Variants in KYAT3 observed in about 807,000 individuals in gnomAD.
The protein encoded by KYAT3 is kynurenine aminotransferase 3, also known as kynurenine--oxoglutarate transaminase 3.
A neutral mutation model predicts 59.0 loss-of-function variants in KYAT3; 50 were observed. The ratio of observed to expected loss-of-function variants is 0.85; its 90% CI spans 0.68 to 1.07. The LOEUF is 1.07. Among genes scored for constraint, KYAT3 ranks in the 50% least tolerant of loss-of-function variants. KYAT3 has a pLI of 0.00. For synonymous variants in KYAT3, 148 were observed against 177.0 expected, an observed-to-expected ratio of 0.84 and a Z score of 1.30; for missense variants, 497 against 533.3, an observed-to-expected ratio of 0.93 and a Z score of 0.67.
chr1:88,951,122 T>C (rs750619007), intron 10 of KYAT3, among the ~76,000 whole-genome samples: 5 of 152,208 alleles, frequency 3.3e-5, no homozygotes, highest in Non-Finnish European at 7.4e-5. Flanking sequence ...TCAGGGAGGC[T>C]TTCAAAGATT....
At chr1:88,956,443 A>G (rs1047580846) in intron 8 of KYAT3, among the ~76,000 whole-genome samples, 1 of 152,248 alleles carries the variant, frequency 6.6e-6, no homozygotes, top group African/African-American at 2.4e-5. Flanking sequence ...CATACATCAA[A>G]TATTCATTAG....
At chr1:88,941,436 A>G (rs561835994) in intron 13 of KYAT3, among the ~76,000 whole-genome samples, 61 of 152,286 alleles carry the variant, frequency 4.0e-4, no homozygotes, top group Admixed American at 1.9e-3. Context: ...GAGAAGTTTG[A>G]TAGTGATAAA....
Position 88,987,169 on chromosome 1 carries a change from A to G in KYAT3, c.99+1083T>C, listed in dbSNP as rs1677509227. Among the ~76,000 whole-genome samples, 8 of 152,244 alleles carry G rather than the reference A, an allele frequency of 5.3e-5. No individual in the cohort carries two copies. The South Asian group carries it at 1.7e-3, about 32-fold the overall frequency. On this transcript the variant is annotated intron_variant, in intron 2 of 13. Coordinates refer to ENST00000260508, the MANE Select transcript of KYAT3 (RefSeq NM_001008661.3). ...CCAGATATGTAGAATTAGAATGCAT[A>G]ATGGTGAGCCCTGGCATACGTAGTC...
At chr1:88,950,892 A>C (rs1675639518) in intron 10 of KYAT3, among the ~76,000 whole-genome samples, 1 of 152,184 alleles carries the variant, frequency 6.6e-6, no homozygotes, top group Non-Finnish European at 1.5e-5. Flanking sequence ...TGCATGCCCC[A>C]GCTCCATTGG....
chr1:88,987,271 G>A (rs1162653687), intron 2 of KYAT3, among the ~76,000 whole-genome samples: 1 of 152,102 alleles, frequency 6.6e-6, no homozygotes, highest in Non-Finnish European at 1.5e-5. Context: ...TCACCTTGGG[G>A]AAGCACAACC....
chr1:88,961,093 G>A, intron 8 of KYAT3, 74 bp downstream of exon 8: 1 of 1,518,758 alleles, frequency 6.6e-7, no homozygotes, highest in Non-Finnish European at 9.1e-7. Flanking sequence ...AGTTGGTCTG[G>A]GATGCTTTCC....
At chr1:88,983,577 C>T (rs750709489) in intron 2 of KYAT3, 1 of 1,614,220 alleles carries the variant, frequency 6.2e-7, no homozygotes, top group Non-Finnish European at 8.5e-7. Flanking sequence ...GGTTTGGTGG[C>T]TTGTTCCACC....
At chr1:88,985,220 G>A (rs981384085) in intron 2 of KYAT3, among the ~76,000 whole-genome samples, 1 of 152,196 alleles carries the variant, frequency 6.6e-6, no homozygotes, top group African/African-American at 2.4e-5. Context: ...TTGGAAGAGT[G>A]AGTAAGTGAA....
At chr1:88,986,840 G>C (rs1490989911) in intron 2 of KYAT3, among the ~76,000 whole-genome samples, 2 of 152,028 alleles carry the variant, frequency 1.3e-5, no homozygotes, top group South Asian at 4.1e-4. Context: ...TTGTAACACT[G>C]GCCAGTGTTT....
At chr1:88,960,811 G>C (rs1676109406) in intron 8 of KYAT3, among the ~76,000 whole-genome samples, 1 of 152,162 alleles carries the variant, frequency 6.6e-6, no homozygotes, top group Admixed American at 6.5e-5. Flanking sequence ...TGGCATTTTG[G>C]TAAGTTGTTC....
chr1:88,934,802 A>G (rs1305587130), downstream of KYAT3, among the ~76,000 whole-genome samples: 1 of 152,184 alleles, frequency 6.6e-6, no homozygotes, highest in Non-Finnish European at 1.5e-5. Flanking sequence ...AACAGTAATG[A>G]TCAAACTTTC....
At chr1:88,930,539 C>T in the KYAT3 span, among the ~76,000 whole-genome samples, 9 of 151,926 alleles carry the variant, frequency 5.9e-5, no homozygotes, top group South Asian at 4.2e-4. Flanking sequence ...AAAAGGACTT[C>T]GAAAAGCAGG....
At chr1:88,976,020 C>A (rs543798286) in intron 2 of KYAT3, among the ~76,000 whole-genome samples, 1 of 136,258 alleles carries the variant, frequency 7.3e-6, no homozygotes, top group Non-Finnish European at 1.6e-5. Flanking sequence ...GGTGACAGAG[C>A]GAGACTCCAT....
chr1:88,960,136 T>C (rs1367334913), intron 8 of KYAT3, among the ~76,000 whole-genome samples: 1 of 151,424 alleles, frequency 6.6e-6, no homozygotes, highest in Non-Finnish European at 1.5e-5. Context: ...GGTTTCTCCA[T>C]GTTGCCCAGG....
chr1:88,980,654 C>T (rs1376121777), intron 2 of KYAT3: 1 of 152,480 alleles, frequency 6.6e-6, no homozygotes, highest in South Asian at 2.1e-4. Flanking sequence ...AAACAGGTGT[C>T]TGGTCATTTT....
Position 88,969,402 on chromosome 1 carries a change from T to C in KYAT3, c.158+7A>G. On this transcript the variant is annotated splice_region_variant and intron_variant, in intron 3 of 13. Transcript: ENST00000260508. ...CACTAAATTATTATTTATTTTAAGA[T>C]ACTCACCACACATTACTATCAAGTC... The C allele has an allele frequency of 6.6e-7, 1 of 1,516,410 alleles. No homozygotes were observed. Among genetic ancestry groups the C allele is most frequent in the Non-Finnish European group, 9.1e-7 (1 of 1,097,304 alleles). The allele number at this position is 1,516,410 out of a possible 1,614,324, so 93.9% of individuals were successfully genotyped here. A position where few individuals can be genotyped will look rare whatever the true frequency, so the allele number is the denominator to read the frequency against.
intron 13 of KYAT3, among the ~76,000 whole-genome samples, chr1:88,939,914 G>A (rs1029047697): frequency 4.0e-5 from 6 of 151,842 alleles, no homozygotes; most frequent in Non-Finnish European, 8.8e-5. Flanking sequence ...TCATTTTAAA[G>A]GTTTTAAATC....
In KYAT3 at chr1:88,980,302, C is replaced by T. The variant is rs550891334; in HGVS notation, c.99+7950G>A. On this transcript the variant is annotated intron_variant, in intron 2 of 13. Transcript: ENST00000260508. Reference sequence around the variant, plus strand: ...TCTAAACAGATACAGTTTACTGTAACTTGATAAAGCTGAATTTAAAAAGCT... The same window carrying T: ...TCTAAACAGATACAGTTTACTGTAATTTGATAAAGCTGAATTTAAAAAGCT... 4 of 152,678 alleles carry T rather than the reference C, an allele frequency of 2.6e-5. No individual in the cohort carries two copies. The South Asian group carries it at 8.3e-4, about 32-fold the overall frequency. The allele number at this position is 152,678 out of a possible 1,614,324, so 9.5% of individuals were successfully genotyped here.
chr1:88,955,181 C>T lies in KYAT3; in HGVS notation c.832G>A (p.Ala278Thr), dbSNP rs1262771188. The change falls in exon 9 of 14, where the codon GCT becomes ACT. Residue 278 changes from alanine (A) to threonine (T), a missense_variant. Physicochemically the swap from Ala to Thr is moderately conservative, Grantham distance 58. Around this residue, in one of 2 missense-constraint regions of KYAT3, gnomAD observed 469 missense variants for 479.1 expected, o/e 0.98. Transcript: ENST00000260508. Reference protein sequence around the residue: ...MWERTITIGSAGKTFSVTGWK... With the variant: ...MWERTITIGSTGKTFSVTGWK... Reference sequence around the variant, plus strand: ...CCAGTTACACTGAAAGTCTTTCCAGCACTTCCTATTGTTATTGTTCTCTCC... The same window carrying T: ...CCAGTTACACTGAAAGTCTTTCCAGTACTTCCTATTGTTATTGTTCTCTCC... 3.1e-6 allele frequency: 5 copies of T among 1,612,396 alleles called. No homozygotes were observed. The African/African-American group carries it at 6.7e-5, about 22-fold the overall frequency.
Sources: allele counts gnomAD v4.1 joint callset (sites outside exome capture counted in the v4.1 genomes callset), GRCh38; gene constraint gnomAD v4.1.1; regional missense constraint gnomAD v4.1.1; transcripts MANE v1.5; gene names NCBI Gene and HGNC (gene_info 2026-07-23, HGNC 2026-07-21).